PJA2: variants seen among roughly 807,000 people sequenced by gnomAD.
PJA2 encodes the protein E3 ubiquitin-protein ligase Praja-2.
Under a neutral mutation model 69.3 loss-of-function variants are expected in PJA2, and 25 were observed. That is an observed-to-expected ratio of 0.36 (90% CI 0.26 to 0.50). PJA2 has a LOEUF of 0.50. Ranked by LOEUF, PJA2 falls within the 20% of genes least tolerant of loss-of-function variation. The pLI is 0.96. For missense variants in PJA2, 809 were observed against 830.2 expected, an observed-to-expected ratio of 0.97 and a Z score of 0.31; for synonymous variants, 308 against 277.8, an observed-to-expected ratio of 1.11 and a Z score of -1.08.
chr5:109,349,237 A>C (rs1256466193), intron 7 of PJA2, among the ~76,000 whole-genome samples: 1 of 152,234 alleles, frequency 6.6e-6, no homozygotes, highest in Non-Finnish European at 1.5e-5. Context: ...ATTGCTCCAC[A>C]AATCCATATT....
At chr5:109,391,483 C>T (rs960993056) in intron 1 of PJA2, among the ~76,000 whole-genome samples, 1 of 150,404 alleles carries the variant, frequency 6.6e-6, no homozygotes, top group African/African-American at 2.5e-5. Context: ...CTACATTAGA[C>T]ACCTTTTTTT....
At chr5:109,357,005 T>TG (rs1262750860) in intron 6 of PJA2, among the ~76,000 whole-genome samples, 1 of 152,080 alleles carries the variant, frequency 6.6e-6, no homozygotes, top group East Asian at 1.9e-4. Flanking sequence ...AGTATGTCCT[T>TG]GGTCCTCTTT....
intron 9 of PJA2, among the ~76,000 whole-genome samples, chr5:109,338,700 A>T (rs1761988781): frequency 6.6e-6 from 1 of 152,070 alleles, no homozygotes; most frequent in African/African-American, 2.4e-5. Context: ...CTTGCCATAC[A>T]GATTGGGCCC....
chr5:109,364,816 G>T (rs1338048136), intron 5 of PJA2, among the ~76,000 whole-genome samples: 2 of 151,544 alleles, frequency 1.3e-5, no homozygotes, highest in Non-Finnish European at 2.9e-5. Context: ...TATATCAACA[G>T]AAAGGAGGCA....
intron 4 of PJA2, among the ~76,000 whole-genome samples, chr5:109,373,965 AT>A (rs1318935628): frequency 3.3e-4 from 50 of 152,184 alleles, no homozygotes; most frequent in African/African-American, 1.2e-3. Context: ...TCTTCCTGGC[AT>A]TTATCACAGC....
chr5:109,354,145 T>G (rs1253373085), intron 7 of PJA2, among the ~76,000 whole-genome samples: 12 of 121,234 alleles, frequency 9.9e-5, no homozygotes, highest in Admixed American at 2.5e-4. Context: ...TGTCTATAGA[T>G]TAGATATCTA....
chr5:109,362,778 C>A, intron 6 of PJA2, 62 bp downstream of exon 6: 1 of 1,425,774 alleles, frequency 7.0e-7, no homozygotes. Context: ...ATTTAATTTT[C>A]ATAAATTAGA....
chr5:109,390,587 A>G (rs1269226374), intron 1 of PJA2: 1 of 151,986 alleles, frequency 6.6e-6, no homozygotes, highest in African/African-American at 2.4e-5. Flanking sequence ...ATAATTACCA[A>G]TGTAGTCTGG....
At chr5:109,359,417 T>C (rs1181161379) in intron 6 of PJA2, among the ~76,000 whole-genome samples, 1 of 152,142 alleles carries the variant, frequency 6.6e-6, no homozygotes, top group Non-Finnish European at 1.5e-5. Context: ...AAAGGATAAA[T>C]GACAACTGTA....
intron 4 of PJA2, among the ~76,000 whole-genome samples, chr5:109,372,009 C>T (rs1319023574): frequency 6.6e-6 from 1 of 152,102 alleles, no homozygotes; most frequent in African/African-American, 2.4e-5. Flanking sequence ...AAATAATGAG[C>T]CATCAATAAC....
chr5:109,358,378 G>A (rs997662956), intron 6 of PJA2, among the ~76,000 whole-genome samples: 3 of 152,214 alleles, frequency 2.0e-5, no homozygotes, highest in Admixed American at 1.3e-4. Context: ...ATGATTTACA[G>A]AAACAATGCT....
intron 9 of PJA2, among the ~76,000 whole-genome samples, chr5:109,339,137 G>T (rs1486718907): frequency 2.0e-5 from 3 of 152,312 alleles, no homozygotes; most frequent in Non-Finnish European, 4.4e-5. Flanking sequence ...AATCACAGAA[G>T]GCCTTGAATG....
chr5:109,353,972 A>T (rs1762338244), intron 7 of PJA2, among the ~76,000 whole-genome samples: 1 of 138,108 alleles, frequency 7.2e-6, no homozygotes, highest in African/African-American at 2.7e-5. Context: ...ATATCTAGAG[A>T]TATCTATAGA....
intron 4 of PJA2, among the ~76,000 whole-genome samples, chr5:109,371,214 TAAG>T (rs899114848): frequency 5.9e-5 from 9 of 152,178 alleles, no homozygotes; most frequent in Non-Finnish European, 1.2e-4. Context: ...CCCTCAATGC[TAAG>T]GAGACAACTT....
intron 4 of PJA2, among the ~76,000 whole-genome samples, chr5:109,371,915 A>G (rs1762680754): frequency 6.6e-6 from 1 of 152,244 alleles, no homozygotes; most frequent in South Asian, 2.1e-4. Flanking sequence ...TCAGGTGAAT[A>G]CAACAACAGT....
chr5:109,387,020 TA>T, intron 1 of PJA2, among the ~76,000 whole-genome samples: 1 of 152,316 alleles, frequency 6.6e-6, no homozygotes, highest in East Asian at 1.9e-4. Context: ...TTTTCCTCAC[TA>T]CTTTTTCTTT....
chr5:109,393,352 G>T (rs2127013915), intron 1 of PJA2, among the ~76,000 whole-genome samples: 1 of 152,258 alleles, frequency 6.6e-6, no homozygotes, highest in South Asian at 2.1e-4. Flanking sequence ...TTAAGCAACT[G>T]GATGTTAGGC....
At position 109,381,686 on chromosome 5, in the gene PJA2, C is replaced by T. The variant is rs1447339882; in HGVS notation, c.49G>A (p.Gly17Ser). 3.1e-6 allele frequency: 5 copies of T among 1,613,508 alleles called. No individual in the cohort carries two copies. The highest frequency in any genetic ancestry group is 1.7e-6 in the Non-Finnish European group (2 of 1,179,972). The change falls in exon 3 of 10, where the codon GGT becomes AGT. Residue 17 changes from glycine (G) to serine (S), a missense_variant. Coordinates refer to ENST00000361189, the MANE Select transcript of PJA2 (RefSeq NM_014819.5). Reference sequence around the variant, plus strand: ...GCTGGTTTGGGCCAGACAGCCTTACCAGATTCTTGGTCCATTGCTGAAAAA... The same window carrying T: ...GCTGGTTTGGGCCAGACAGCCTTACTAGATTCTTGGTCCATTGCTGAAAAA... ...KEPAAMDQES[G>S]KAVWPKPAGG...
chr5:109,361,420 A>T (rs1762502606), intron 6 of PJA2, among the ~76,000 whole-genome samples: 1 of 152,212 alleles, frequency 6.6e-6, no homozygotes, highest in Non-Finnish European at 1.5e-5. Context: ...GCTGTAAAAA[A>T]TTATTTTTAG....
Sources: allele counts gnomAD v4.1 joint callset (sites outside exome capture counted in the v4.1 genomes callset), GRCh38; gene constraint gnomAD v4.1.1; transcripts MANE v1.5; gene names NCBI Gene and HGNC (gene_info 2026-07-23, HGNC 2026-07-21).